AK2: variants seen among roughly 807,000 people sequenced by gnomAD.
The protein encoded by AK2 is adenylate kinase 2, mitochondrial.
In AK2, 15 loss-of-function variants were observed where a neutral mutation model predicts 24.6. The observed-to-expected ratio is 0.61, with a 90% confidence interval of 0.41 to 0.94. The LOEUF (loss-of-function observed/expected upper bound fraction) is 0.94. Ranked by LOEUF, AK2 falls within the 40% of genes least tolerant of loss-of-function variation. AK2 has a pLI of 0.00. For synonymous variants in AK2, 102 were observed against 114.0 expected (o/e 0.90, Z 0.67); for missense variants, 257 against 304.1 (o/e 0.85, Z 1.15).
At chr1:33,021,252 A>C in intron 4 of AK2, 115 bp downstream of exon 4, 1 of 940,878 alleles carries the variant, frequency 1.1e-6, no homozygotes, top group Non-Finnish European at 1.8e-6. Flanking sequence ...CACCAAATAA[A>C]ATCAATCCAT....
At position 33,012,130 on chromosome 1, in the gene AK2, T is replaced by G. The variant is rs774400144; in HGVS notation, c.*1051A>C. ...TGCTCTCAGATGATCAGCCTGGATG[T>G]TCAGAAGACAATCTGAATTCAAAAG... On this transcript the variant is annotated 3_prime_UTR_variant, in exon 6 of 6. Transcript: ENST00000672715. The G allele has an allele frequency of 4.1e-5, 63 of 1,535,382 alleles. No homozygotes were observed. Among genetic ancestry groups the G allele is most frequent in the Non-Finnish European group, 5.3e-5 (61 of 1,146,746 alleles).
chr1:33,012,182 G>A lies in AK2; in HGVS notation c.*999C>T, dbSNP rs1218493423. On this transcript the variant is annotated 3_prime_UTR_variant, in exon 6 of 6. Transcript: ENST00000672715. The stretch of plus-strand genomic sequence containing the variant: ...ACCTTTCACCTGGTTTAATTCTCTG[G>A]CAACAATTCAGTTTTCAAACCCAAT... 6.5e-7 allele frequency: 1 copy of A among 1,535,344 alleles called. No individual in the cohort carries two copies. The highest frequency in any genetic ancestry group is 2.0e-5 in the Admixed American group (1 of 50,980).
intron 1 of AK2, among the ~76,000 whole-genome samples, chr1:33,034,093 C>CT (rs944825162): frequency 4.6e-5 from 7 of 151,786 alleles, no homozygotes; most frequent in Non-Finnish European, 8.8e-5. Context: ...CAGGCTTGAA[C>CT]TTTTTTTTAA....
chr1:33,018,139 G>A (rs77210897), intron 4 of AK2, among the ~76,000 whole-genome samples: 3,580 of 152,154 alleles, frequency 0.024, 64 homozygotes, highest in Non-Finnish European at 0.034. Context: ...AGATAATACC[G>A]GAGAGCCAAC....
intron 4 of AK2, among the ~76,000 whole-genome samples, chr1:33,017,912 T>A (rs1436362409): frequency 6.6e-6 from 1 of 152,046 alleles, no homozygotes; most frequent in Non-Finnish European, 1.5e-5. Flanking sequence ...AGGTGCACAC[T>A]GCCACACCTG....
At chr1:33,024,307 AGTGC>A in intron 2 of AK2, 131 bp downstream of exon 2, 3 of 1,176,638 alleles carry the variant, frequency 2.5e-6, no homozygotes. Flanking sequence ...AAATATGGCT[AGTGC>A]AACTGAGGAA....
Position 33,012,217 on chromosome 1 carries a change from A to C in AK2, c.*964T>G. Reference sequence around the variant, plus strand: ...AGTTTTCAAACCCAATTCCCAAATAATTGCTATTTTCAGCATCATGATGCA... The same window carrying C: ...AGTTTTCAAACCCAATTCCCAAATACTTGCTATTTTCAGCATCATGATGCA... On this transcript the variant is annotated 3_prime_UTR_variant, in exon 6 of 6. Coordinates refer to ENST00000672715, the MANE Select transcript of AK2 (RefSeq NM_001625.4). 6.5e-7 allele frequency: 1 copy of C among 1,535,374 alleles called. No individual in the cohort carries two copies. Among genetic ancestry groups the C allele is most frequent in the Non-Finnish European group, 8.7e-7 (1 of 1,146,706 alleles).
chr1:33,035,517 G>A (rs1397559360), intron 1 of AK2, among the ~76,000 whole-genome samples: 4 of 152,202 alleles, frequency 2.6e-5, no homozygotes, highest in Non-Finnish European at 5.9e-5. Context: ...TTTCATTTGG[G>A]AGCTCAGACT....
chr1:33,009,719 C>G lies in AK2; in HGVS notation c.*3462G>C, dbSNP rs780902116. On this transcript the variant is annotated 3_prime_UTR_variant, in exon 6 of 6. Transcript: ENST00000672715. ...GTGCTATCTCCACTAGACCAAGCTG[C>G]CTTGTCTCTGGGCTCAAGAGAAGCC... 2.2e-6 allele frequency: 1 copy of G among 454,132 alleles called. No individual in the cohort carries two copies. The highest frequency in any genetic ancestry group is 6.9e-5 in the East Asian group (1 of 14,394). The allele number at this position is 454,132 out of a possible 1,614,324, so 28.1% of individuals were successfully genotyped here.
intron 4 of AK2, 136 bp from the exon 5 acceptor site, chr1:33,014,730 T>C: frequency 1.3e-6 from 1 of 743,286 alleles, no homozygotes; most frequent in African/African-American, 1.7e-5. Context: ...AAAATCCAGC[T>C]AAATAACTGG....
intron 1 of AK2, chr1:33,031,514 G>T (rs1234780374): frequency 4.4e-6 from 2 of 452,818 alleles, no homozygotes; most frequent in African/African-American, 2.0e-5. Context: ...ACACCCTCCT[G>T]ACATGCACAC....
At position 33,011,028 on chromosome 1, in the gene AK2, T is replaced by C. The variant is rs774023578; in HGVS notation, c.*2153A>G. On this transcript the variant is annotated 3_prime_UTR_variant, in exon 6 of 6. Coordinates refer to ENST00000672715, the MANE Select transcript of AK2 (RefSeq NM_001625.4). ...AGCAAAAACAGAATCCTAACCATAC[T>C]GAGAAGGGTATATGCATTCCCTATG... The C allele has an allele frequency of 4.1e-6, 4 of 985,422 alleles. No individual in the cohort carries two copies. The highest frequency in any genetic ancestry group is 4.7e-5 in the South Asian group (1 of 21,290). The allele number at this position is 985,422 out of a possible 1,614,324, so 61.0% of individuals were successfully genotyped here.
chr1:33,030,923 T>C (rs1640197425), intron 1 of AK2: 2 of 152,240 alleles, frequency 1.3e-5, no homozygotes, highest in African/African-American at 4.8e-5. Context: ...CAATATTCTG[T>C]TTCTTGATAA....
intron 1 of AK2, 135 bp downstream of exon 1, chr1:33,036,601 C>A: frequency 6.0e-6 from 5 of 826,822 alleles, no homozygotes; most frequent in South Asian, 4.4e-5. Flanking sequence ...CCACCAGAAC[C>A]GAGACCCCGG....
At chr1:33,036,686 G>A in intron 1 of AK2, 50 bp downstream of exon 1, 2 of 1,509,932 alleles carry the variant, frequency 1.3e-6, no homozygotes, top group Non-Finnish European at 1.8e-6. Context: ...CGGCCGCCTT[G>A]ACCTTGGAGT....
chr1:33,032,470 C>CT (rs1226544037), intron 1 of AK2: 1 of 152,224 alleles, frequency 6.6e-6, no homozygotes, highest in African/African-American at 2.4e-5. Flanking sequence ...TTTATCCTGA[C>CT]TTTTCTATAC....
intron 1 of AK2, among the ~76,000 whole-genome samples, chr1:33,030,658 T>C (rs1471968409): frequency 1.3e-5 from 2 of 152,238 alleles, no homozygotes; most frequent in Admixed American, 6.5e-5. Flanking sequence ...TTTCCATGCA[T>C]TGTTTTACGG....
chr1:33,011,151 C>A lies in AK2; in HGVS notation c.*2030G>T. 2 of 1,372,560 alleles carry A rather than the reference C, an allele frequency of 1.5e-6. No homozygotes were observed. Among genetic ancestry groups the A allele is most frequent in the South Asian group, 1.5e-5 (1 of 68,492 alleles). 85.0% of individuals were successfully genotyped at this position (1,372,560 alleles called of 1,614,324 possible). On this transcript the variant is annotated 3_prime_UTR_variant, in exon 6 of 6. Coordinates refer to ENST00000672715, the MANE Select transcript of AK2 (RefSeq NM_001625.4). ...GGATGACAAATATTTGGGCAAGGAT[C>A]ATGCACATAAAATTAGCAAACATTC...
chr1:33,011,017 C>A lies in AK2; in HGVS notation c.*2164G>T. 2.0e-6 allele frequency: 2 copies of A among 985,386 alleles called. No homozygotes were observed. The highest frequency in any genetic ancestry group is 9.4e-5 in the South Asian group (2 of 21,290). The allele number at this position is 985,386 out of a possible 1,614,324, so 61.0% of individuals were successfully genotyped here. A position where few individuals can be genotyped will look rare whatever the true frequency, so the allele number is the denominator to read the frequency against. On this transcript the variant is annotated 3_prime_UTR_variant, in exon 6 of 6. Transcript: ENST00000672715. Reference sequence around the variant, plus strand: ...GAATTAAATGAAGCAAAAACAGAATCCTAACCATACTGAGAAGGGTATATG... The same window carrying A: ...GAATTAAATGAAGCAAAAACAGAATACTAACCATACTGAGAAGGGTATATG...
Sources: allele counts gnomAD v4.1 joint callset (sites outside exome capture counted in the v4.1 genomes callset), GRCh38; gene constraint gnomAD v4.1.1; transcripts MANE v1.5; gene names NCBI Gene and HGNC (gene_info 2026-07-23, HGNC 2026-07-21).